TTC4: variants seen among roughly 807,000 people sequenced by gnomAD.
TTC4 encodes the protein hsp70/Hsp90 co-chaperone CNS1 homolog.
Under a neutral mutation model 51.9 loss-of-function variants are expected in TTC4, and 36 were observed. The ratio of observed to expected loss-of-function variants is 0.69; its 90% CI spans 0.53 to 0.92. The LOEUF is 0.92. TTC4 is among the 40% of genes least tolerant of loss of function. The pLI is 0.00. For synonymous variants in TTC4, 144 were observed against 164.2 expected (o/e 0.88, Z 0.94); for missense variants, 399 against 454.6 (o/e 0.88, Z 1.11).
In TTC4 at chr1:54,717,545, T is replaced by G. The variant is rs753789429; in HGVS notation, c.283T>G (p.Tyr95Asp). Reference protein sequence around the residue: ...EGNDYFKEKDYKKAVISYTEG... With the variant: ...EGNDYFKEKDDKKAVISYTEG... ...CAATGATTACTTTAAAGAAAAAGAC[T>G]ACAAGAAAGCTGTAATTTCATACAC... Residue 95 changes from tyrosine (Y) to aspartate (D), a missense_variant, in exon 3 of 10, where the codon TAC becomes GAC. Around this residue, in one of 3 missense-constraint regions of TTC4, gnomAD observed 316 missense variants for 349.6 expected, o/e 0.90. Coordinates refer to ENST00000371281, the MANE Select transcript of TTC4 (RefSeq NM_004623.5). 1.9e-6 allele frequency: 3 copies of G among 1,610,706 alleles called. No homozygotes were observed. The highest frequency in any genetic ancestry group is 2.5e-6 in the Non-Finnish European group (3 of 1,178,960).
chr1:54,733,047 A>G (rs560815452), intron 7 of TTC4, among the ~76,000 whole-genome samples: 29 of 151,600 alleles, frequency 1.9e-4, no homozygotes, highest in Non-Finnish European at 3.7e-4. Flanking sequence ...AGATTGTTCC[A>G]CTGTACTCCA....
chr1:54,717,974 A>G (rs992629813), intron 3 of TTC4, among the ~76,000 whole-genome samples: 1 of 152,160 alleles, frequency 6.6e-6, no homozygotes, highest in Non-Finnish European at 1.5e-5. Flanking sequence ...CTGGCCTTTT[A>G]TCCTCTTTTC....
chr1:54,741,879 A>T lies in TTC4; in HGVS notation c.*366A>T. ...GAACTTTTGTGGAGTTTGACACCTTAGAGAAGCTACCCCTCAAACTGCACA... is the reference window on the plus strand; with the variant it reads ...GAACTTTTGTGGAGTTTGACACCTTTGAGAAGCTACCCCTCAAACTGCACA... On this transcript the variant is annotated 3_prime_UTR_variant, in exon 10 of 10. Transcript: ENST00000371281. 2.5e-5 allele frequency: 6 copies of T among 237,400 alleles called. No homozygotes were observed. The highest frequency in any genetic ancestry group is 2.4e-4 in the South Asian group (3 of 12,324). 14.7% of individuals were successfully genotyped at this position (237,400 alleles called of 1,614,324 possible).
chr1:54,740,216 T>A (rs1317496562), intron 9 of TTC4, among the ~76,000 whole-genome samples: 1 of 152,116 alleles, frequency 6.6e-6, no homozygotes, highest in South Asian at 2.1e-4. Context: ...AGATTTGAAG[T>A]GTACTGTTCA....
rs373067920 is a variant in TTC4, at chr1:54,733,924, C to A, written c.978+214C>A. 1.2e-4 allele frequency among the ~76,000 whole-genome samples: 18 copies of A among 152,182 alleles called. No homozygotes were observed. In the South Asian group the frequency reaches 3.7e-3, roughly 32 times the overall value. On this transcript the variant is annotated intron_variant, in intron 8 of 9. Transcript: ENST00000371281. ...GTGCAACTATCACCACCAGCCATCT[C>A]CAAAACTTTTTCATCTTCCCAAATT...
intron 4 of TTC4, among the ~76,000 whole-genome samples, chr1:54,721,807 G>A (rs1645746672): frequency 6.6e-6 from 1 of 152,176 alleles, no homozygotes; most frequent in South Asian, 2.1e-4. Flanking sequence ...CTCTTTAAAT[G>A]TTCATGGTTA....
intron 9 of TTC4, among the ~76,000 whole-genome samples, chr1:54,740,923 T>TTTGA (rs1375711541): frequency 6.6e-6 from 1 of 152,204 alleles, no homozygotes; most frequent in Non-Finnish European, 1.5e-5. Context: ...GGAAGCCTTT[T>TTTGA]TTGATTCCCT....
intron 9 of TTC4, among the ~76,000 whole-genome samples, chr1:54,738,600 G>A (rs949374282): frequency 6.6e-6 from 1 of 151,718 alleles, no homozygotes; most frequent in African/African-American, 2.4e-5. Context: ...GAGATAAATA[G>A]GACTGGTCTT....
At chr1:54,719,896 CTTTTTT>C in intron 3 of TTC4, among the ~76,000 whole-genome samples, 1 of 135,760 alleles carries the variant, frequency 7.4e-6, no homozygotes, top group South Asian at 2.4e-4. Flanking sequence ...ATGTTCCATA[CTTTTTT>C]TTTTTTTTTT....
At position 54,715,934 on chromosome 1, in the gene TTC4, C is replaced by T. The variant is rs201500557; in HGVS notation, c.26C>T (p.Thr9Ile). The change falls in exon 1 of 10, where the codon ACC becomes ATC. Residue 9 changes from threonine to isoleucine, a missense_variant. Coordinates refer to ENST00000371281, the MANE Select transcript of TTC4 (RefSeq NM_004623.5). Reference protein sequence around the residue: MEQPGQDPTSDDVMDSFLE... With the variant: MEQPGQDPISDDVMDSFLE... ...ATGGAACAACCTGGGCAGGATCCCA[C>T]CTCAGACGACGTCATGGACTCGTTC... 7 of 1,607,576 alleles carry T rather than the reference C, an allele frequency of 4.4e-6. No homozygotes were observed. The Admixed American group carries it at 1.0e-4, about 23-fold the overall frequency.
At chr1:54,727,488 TTCA>T (rs1348266271) in intron 5 of TTC4, among the ~76,000 whole-genome samples, 1 of 152,022 alleles carries the variant, frequency 6.6e-6, no homozygotes, top group Non-Finnish European at 1.5e-5. Context: ...TTGATTGCAC[TTCA>T]TCAAAAGTAA....
At chr1:54,736,175 G>GGAGAGA (rs11292044) in intron 8 of TTC4, among the ~76,000 whole-genome samples, 3,023 of 100,564 alleles carry the variant, frequency 0.03, 111 homozygotes, top group Admixed American at 0.055. Flanking sequence ...AAGAAAGAAA[G>GGAGAGA]GAGAGAGAGA....
At position 54,733,682 on chromosome 1, in the gene TTC4, A is replaced by G; in HGVS notation, c.950A>G (p.Glu317Gly). The G allele has an allele frequency of 6.2e-7, 1 of 1,602,074 alleles. No individual in the cohort carries two copies. ...GGTGAAACACCCTCTTGGGACCTAGAGCAAAAATATTGCCCTGATAATTTG... is the reference window on the plus strand; with the variant it reads ...GGTGAAACACCCTCTTGGGACCTAGGGCAAAAATATTGCCCTGATAATTTG... Reference protein sequence around the residue: ...MFGETPSWDLEQKYCPDNLEV... With the variant: ...MFGETPSWDLGQKYCPDNLEV... The change falls in exon 8 of 10, where the codon GAG becomes GGG. Residue 317 changes from glutamate to glycine, a missense_variant. By Grantham distance (98) the Glu-to-Gly change is moderately conservative (BLOSUM62 -2). This residue lies in a region of TTC4 where 19 missense variants were observed against 43.7 expected (regional missense o/e 0.43). Coordinates refer to ENST00000371281, the MANE Select transcript of TTC4 (RefSeq NM_004623.5).
intron 9 of TTC4, among the ~76,000 whole-genome samples, chr1:54,738,749 A>AC (rs1301997243): frequency 2.7e-5 from 4 of 146,088 alleles, no homozygotes; most frequent in African/African-American, 7.8e-5. Flanking sequence ...CCTCTACCTC[A>AC]CCCCCCAGGT....
intron 5 of TTC4, among the ~76,000 whole-genome samples, chr1:54,723,065 A>G (rs1023225173): frequency 4.6e-5 from 7 of 152,216 alleles, no homozygotes; most frequent in African/African-American, 1.7e-4. Flanking sequence ...TATATATTAC[A>G]GTGGTCCCAT....
At chr1:54,721,973 C>T (rs938696671) in intron 4 of TTC4, among the ~76,000 whole-genome samples, 2 of 152,118 alleles carry the variant, frequency 1.3e-5, no homozygotes, top group African/African-American at 4.8e-5. Flanking sequence ...TACAATGTGA[C>T]CTTGGCAAGA....
At chr1:54,721,468 T>G (rs3737826) in intron 4 of TTC4, among the ~76,000 whole-genome samples, 5,734 of 152,266 alleles carry the variant, frequency 0.038, 297 homozygotes, top group East Asian at 0.14. Context: ...AAAATAAAAT[T>G]AATTAAAACA....
At chr1:54,720,581 A>G (rs961495274) in intron 3 of TTC4, among the ~76,000 whole-genome samples, 7 of 151,826 alleles carry the variant, frequency 4.6e-5, no homozygotes, top group African/African-American at 1.7e-4. Context: ...CGTGTTTCTT[A>G]CATGAGGATC....
chr1:54,725,903 G>A (rs1323495641), intron 5 of TTC4, among the ~76,000 whole-genome samples: 2 of 152,160 alleles, frequency 1.3e-5, no homozygotes, highest in Admixed American at 6.5e-5. Context: ...CACTTAAGAT[G>A]TATCAGTTGA....
Sources: gnomAD v4.1 joint callset for allele counts (sites outside exome capture counted in the v4.1 genomes callset) on GRCh38, gnomAD v4.1.1 for gene constraint, gnomAD v4.1.1 regional missense constraint, MANE v1.5 for transcripts, NCBI Gene and HGNC (gene_info 2026-07-23, HGNC 2026-07-21) for gene names.